NR5A2: variants seen among roughly 807,000 people sequenced by gnomAD.
NR5A2 encodes nuclear receptor subfamily 5 group A member 2, also known as CYP7A promoter-binding factor.
In NR5A2, 26 loss-of-function variants were observed where a neutral mutation model predicts 62.7. The ratio of observed to expected loss-of-function variants is 0.41; its 90% confidence interval spans 0.30 to 0.58. The LOEUF (loss-of-function observed/expected upper bound fraction) is 0.58. NR5A2 is among the 20% of genes least tolerant of loss of function. NR5A2 has a pLI of 0.22. For missense variants in NR5A2, 541 were observed against 669.1 expected, an observed-to-expected ratio of 0.81 and a Z score of 2.11; for synonymous variants, 246 against 241.7, an observed-to-expected ratio of 1.02 and a Z score of -0.16.
intron 1 of NR5A2, among the ~76,000 whole-genome samples, chr1:200,031,517 AAAAACAAAACAAAAC>A (rs532330778): frequency 6.6e-6 from 1 of 151,922 alleles, no homozygotes; most frequent in Non-Finnish European, 1.5e-5. Context: ...CCTATCTCAA[AAAAACAAAACAAAAC>A]AAAACAAAAC....
intron 2 of NR5A2, 124 bp from the exon 3 acceptor site, chr1:200,043,647 ATTG>A (rs964963856): frequency 2.2e-4 from 127 of 569,012 alleles, no homozygotes; most frequent in Non-Finnish European, 7.9e-5. Flanking sequence ...CTTGCTAAAA[ATTG>A]TTTTTATTTT....
chr1:200,143,469 T>C (rs938915350), intron 7 of NR5A2, among the ~76,000 whole-genome samples: 2 of 151,778 alleles, frequency 1.3e-5, no homozygotes, highest in African/African-American at 2.4e-5. Flanking sequence ...AGCCTCCTTT[T>C]ACAAAAGGAG....
At chr1:200,152,016 G>C (rs550093779) in intron 7 of NR5A2, among the ~76,000 whole-genome samples, 74 of 152,300 alleles carry the variant, frequency 4.9e-4, no homozygotes, top group African/African-American at 1.8e-3. Flanking sequence ...GTTGGAAAAA[G>C]AAAAAGACTT....
At chr1:200,050,585 G>A (rs1039320378) in intron 5 of NR5A2, among the ~76,000 whole-genome samples, 7 of 152,190 alleles carry the variant, frequency 4.6e-5, no homozygotes, top group African/African-American at 1.7e-4. Flanking sequence ...AAAGTGTGGT[G>A]CTGTTTTAAA....
intron 7 of NR5A2, among the ~76,000 whole-genome samples, chr1:200,129,025 G>T (rs1666850769): frequency 6.6e-6 from 1 of 152,006 alleles, no homozygotes; most frequent in Non-Finnish European, 1.5e-5. Flanking sequence ...CTTTACTTAA[G>T]TGTGTGCCAT....
intron 7 of NR5A2, among the ~76,000 whole-genome samples, chr1:200,151,078 A>C (rs1653083679): frequency 6.6e-6 from 1 of 152,162 alleles, no homozygotes; most frequent in Admixed American, 6.5e-5. Flanking sequence ...TTTCAATTCT[A>C]GAAAGGTGGG....
intron 7 of NR5A2, among the ~76,000 whole-genome samples, chr1:200,163,737 G>T (rs1000614188): frequency 2.0e-5 from 3 of 152,094 alleles, no homozygotes; most frequent in African/African-American, 7.2e-5. Context: ...GCCTTGGCCT[G>T]CCAAAGTGCT....
chr1:200,039,699 C>A lies in NR5A2; in HGVS notation c.106C>A (p.Arg36Ser). ...CCGACACGGATCCCCCATCCCCGCC[C>A]GCGGTCGCCTTGTCATGCTGCCCAA... ...PDRHGSPIPA[R>S]GRLVMLPKVE... The change falls in exon 2 of 8, where the codon CGC becomes AGC. Residue 36 changes from arginine to serine, a missense_variant. Physicochemically the swap from Arg to Ser is moderately radical, Grantham distance 110. Coordinates refer to ENST00000367362, the MANE Select transcript of NR5A2 (RefSeq NM_205860.3). This position sits in a 1 kb window ranked among gnomAD's most constrained non-coding sequence, Gnocchi z 5.1. The A allele has an allele frequency of 6.2e-7, 1 of 1,611,302 alleles. No individual in the cohort carries two copies. Among genetic ancestry groups the A allele is most frequent in the South Asian group, 1.1e-5 (1 of 90,952 alleles).
rs1199514393 is a variant in NR5A2 at position 200,143,452 on chromosome 1, T to C, written c.1378+22497T>C. 2.6e-5 allele frequency among the ~76,000 whole-genome samples: 4 copies of C among 151,754 alleles called. No homozygotes were observed. The East Asian group carries it at 7.8e-4, about 29-fold the overall frequency. On this transcript the variant is annotated intron_variant, in intron 7 of 7. Transcript: ENST00000367362. Reference sequence around the variant, plus strand: ...TTTTTTTTCCCCCTTCTTTCATTCCTTCTAATAGCCTCCTTTTACAAAAGG... The same window carrying C: ...TTTTTTTTCCCCCTTCTTTCATTCCCTCTAATAGCCTCCTTTTACAAAAGG...
intron 5 of NR5A2, among the ~76,000 whole-genome samples, chr1:200,110,407 T>C (rs1327212047): frequency 1.3e-5 from 2 of 152,188 alleles, no homozygotes; most frequent in Non-Finnish European, 2.9e-5. Flanking sequence ...GCATTTGTCA[T>C]TGAAGAATGC....
chr1:200,158,753 A>G (rs1298830458), intron 7 of NR5A2, among the ~76,000 whole-genome samples: 1 of 152,208 alleles, frequency 6.6e-6, no homozygotes, highest in Non-Finnish European at 1.5e-5. Flanking sequence ...CATAGAGTTC[A>G]AGTTGCTGAG....
Position 200,065,667 on chromosome 1 carries a change from CATTA to C in NR5A2, c.1110+16855_1110+16858del, listed in dbSNP as rs892170998. 8.5e-5 allele frequency among the ~76,000 whole-genome samples: 13 copies of C among 152,094 alleles called. 1 individual carries two copies. Among genetic ancestry groups the C allele is most frequent in the Non-Finnish European group, 1.5e-5 (1 of 68,036 alleles). On this transcript the variant is annotated intron_variant, in intron 5 of 7. Coordinates refer to ENST00000367362, the MANE Select transcript of NR5A2 (RefSeq NM_205860.3). ...TTCATATATTTATTAATTCAACATA[CATTA>C]ATTAAGTATCCAGTATGTGTCAAGC...
At chr1:200,081,665 A>G (rs1664297939) in intron 5 of NR5A2, among the ~76,000 whole-genome samples, 1 of 152,202 alleles carries the variant, frequency 6.6e-6, no homozygotes, top group Admixed American at 6.5e-5. Flanking sequence ...GGATCTCAAT[A>G]CACATAGTCG....
intron 1 of NR5A2, among the ~76,000 whole-genome samples, chr1:200,034,687 C>G (rs935063884): frequency 3.3e-5 from 5 of 149,924 alleles, no homozygotes; most frequent in African/African-American, 1.2e-4. Flanking sequence ...CACGCCAGAT[C>G]GAGATACTCT....
rs1039438776 is a variant in NR5A2, at chr1:200,072,522, C to A, written c.1110+23704C>A. Among the ~76,000 whole-genome samples the A allele has an allele frequency of 7.2e-5, 11 of 152,040 alleles. No individual in the cohort carries two copies. The East Asian group carries it at 1.9e-3, about 27-fold the overall frequency. ...CTTGGAAAGAAAACACCGTTGTATACCCCTACCCACCATTGAAATCTGTTT... is the reference window on the plus strand; with the variant it reads ...CTTGGAAAGAAAACACCGTTGTATAACCCTACCCACCATTGAAATCTGTTT... On this transcript the variant is annotated intron_variant, in intron 5 of 7. Transcript: ENST00000367362.
rs11301306 is a variant in NR5A2, at chr1:200,099,343, C to CT, written c.1111-11846dup. On this transcript the variant is annotated intron_variant, in intron 5 of 7. Transcript: ENST00000367362. ...CAAGGACATTTTAGCCTCTATAAGCCTTTTTTTTTTTTTCCTGGCTTTGTA... is the reference window on the plus strand; with the variant it reads ...CAAGGACATTTTAGCCTCTATAAGCCTTTTTTTTTTTTTTCCTGGCTTTGTA... 4.6e-3 allele frequency among the ~76,000 whole-genome samples: 673 copies of CT among 147,518 alleles called. 3 individuals carry two copies. Among genetic ancestry groups the CT allele is most frequent in the Non-Finnish European group, 6.8e-3 (457 of 66,808 alleles).
At chr1:200,106,805 G>T (rs1665694477) in intron 5 of NR5A2, among the ~76,000 whole-genome samples, 1 of 152,122 alleles carries the variant, frequency 6.6e-6, no homozygotes, top group Non-Finnish European at 1.5e-5. Flanking sequence ...TTGCTCAATT[G>T]TTGAGAACAA....
At chr1:200,106,063 T>TA (rs753061618) in intron 5 of NR5A2, among the ~76,000 whole-genome samples, 1 of 110,196 alleles carries the variant, frequency 9.1e-6, no homozygotes. Flanking sequence ...GATTCACTCT[T>TA]CTTTTTTTTT....
At chr1:200,102,547 G>T (rs1189954231) in intron 5 of NR5A2, among the ~76,000 whole-genome samples, 2 of 152,128 alleles carry the variant, frequency 1.3e-5, no homozygotes. Context: ...CGTTGGGCAG[G>T]ACCGAGGAGG....
Sources: allele counts gnomAD v4.1 joint callset (sites outside exome capture counted in the v4.1 genomes callset), GRCh38; gene constraint gnomAD v4.1.1; non-coding constraint Gnocchi (gnomAD v3.1); transcripts MANE v1.5; gene names NCBI Gene and HGNC (gene_info 2026-07-23, HGNC 2026-07-21).